The following DIP2C variants were observed in gnomAD, a reference collection of about 807,000 sequenced individuals.
DIP2C encodes DIP2 acetate--CoA ligase C (putative).
Under a neutral mutation model 192.4 loss-of-function variants are expected in DIP2C, and 33 were observed. The observed-to-expected ratio is 0.17, with a 90% confidence interval of 0.13 to 0.23. DIP2C has a LOEUF of 0.23. DIP2C is among the 10% of genes least tolerant of loss of function. The probability of loss-of-function intolerance (pLI) is 1.00; values close to 1 mark genes in which losing one functional copy is unlikely to be tolerated. For synonymous variants in DIP2C, 979 were observed against 864.1 expected, an observed-to-expected ratio of 1.13 and a Z score of -2.33; for missense variants, 1,537 against 2,110.1, an observed-to-expected ratio of 0.73 and a Z score of 5.32.
intron 1 of DIP2C, among the ~76,000 whole-genome samples, chr10:562,330 CA>C (rs1849265510): frequency 6.6e-6 from 1 of 152,218 alleles, no homozygotes; most frequent in Admixed American, 6.5e-5. Flanking sequence ...ACTAATGCAA[CA>C]AATGTGTTTG....
intron 1 of DIP2C, among the ~76,000 whole-genome samples, chr10:626,706 T>C (rs1854225998): frequency 6.6e-6 from 1 of 151,864 alleles, no homozygotes; most frequent in African/African-American, 2.4e-5. Context: ...CCCCTCTCAC[T>C]GTTGCCCAGG....
At chr10:440,194 C>G (rs1459074582) in intron 4 of DIP2C, among the ~76,000 whole-genome samples, 1 of 152,200 alleles carries the variant, frequency 6.6e-6, no homozygotes, top group Non-Finnish European at 1.5e-5. Flanking sequence ...AGCAGTATTA[C>G]ATAACACAAA....
intron 1 of DIP2C, among the ~76,000 whole-genome samples, chr10:507,249 G>A (rs1425040525): frequency 6.6e-6 from 1 of 151,878 alleles, no homozygotes; most frequent in East Asian, 1.9e-4. Context: ...TGAGGTTACG[G>A]ACCTGGTCAC....
At chr10:303,815 G>A (rs1392217269) in intron 32 of DIP2C, among the ~76,000 whole-genome samples, 5 of 152,108 alleles carry the variant, frequency 3.3e-5, no homozygotes, top group Non-Finnish European at 7.4e-5. Flanking sequence ...GAGCCGCCGC[G>A]CCTGGCCGAA....
rs1959661480 is a variant in DIP2C at position 362,485 on chromosome 10, C to T, written c.2794+5G>A. ...CCTCACAAGCTGCCCAAGTGGTGCA[C>T]ATACCTGGCTGCTTCTGTCGAGGCT... is the stretch of plus-strand genomic sequence containing the variant. On this transcript the variant is annotated splice_donor_5th_base_variant and intron_variant, in intron 22 of 36. Transcript: ENST00000280886. 3 of 1,613,038 alleles carry T rather than the reference C, an allele frequency of 1.9e-6. No homozygotes were observed. Among genetic ancestry groups the T allele is most frequent in the Non-Finnish European group, 1.7e-6 (2 of 1,179,666 alleles).
chr10:684,941 TG>T (rs1831256186), intron 1 of DIP2C, among the ~76,000 whole-genome samples: 1 of 151,806 alleles, frequency 6.6e-6, no homozygotes, highest in South Asian at 2.1e-4. Context: ...GAGACCAGCC[TG>T]GCCAACATGG....
At chr10:305,993 A>ATATATATATATATATATATATATATG (rs958069491) in intron 32 of DIP2C, among the ~76,000 whole-genome samples, 2 of 142,700 alleles carry the variant, frequency 1.4e-5, no homozygotes, top group African/African-American at 5.2e-5. Context: ...ATATATATAT[A>ATATATATATATATATATATATATATG]TTATATTTTT....
At chr10:580,040 G>C (rs544027109) in intron 1 of DIP2C, among the ~76,000 whole-genome samples, 1 of 151,980 alleles carries the variant, frequency 6.6e-6, no homozygotes, top group South Asian at 2.1e-4. Context: ...TCTCTATCCA[G>C]TGTACACAGG....
intron 29 of DIP2C, among the ~76,000 whole-genome samples, chr10:337,506 AGTC>A (rs1957893264): frequency 7.9e-6 from 1 of 126,026 alleles, no homozygotes; most frequent in Non-Finnish European, 1.6e-5. Context: ...AGGCCTAGAC[AGTC>A]TGTGTGTGTG....
At chr10:335,770 T>C (rs1197206160) in intron 29 of DIP2C, among the ~76,000 whole-genome samples, 2 of 152,226 alleles carry the variant, frequency 1.3e-5, no homozygotes, top group Admixed American at 6.5e-5. Flanking sequence ...CCATGAAGAC[T>C]CTCTTTCCTT....
At chr10:561,180 G>A (rs1849196120) in intron 1 of DIP2C, among the ~76,000 whole-genome samples, 1 of 152,200 alleles carries the variant, frequency 6.6e-6, no homozygotes, top group African/African-American at 2.4e-5. Flanking sequence ...CCTGAGGGCT[G>A]TATCGTGGGC....
At chr10:584,044 T>C (rs991432378) in intron 1 of DIP2C, among the ~76,000 whole-genome samples, 14 of 152,298 alleles carry the variant, frequency 9.2e-5, no homozygotes, top group African/African-American at 3.1e-4. Flanking sequence ...GTCTGTCCTA[T>C]GGAGGAGGTG....
intron 1 of DIP2C, among the ~76,000 whole-genome samples, chr10:555,623 G>T (rs1026462608): frequency 1.3e-5 from 2 of 152,164 alleles, no homozygotes; most frequent in Admixed American, 1.3e-4. Context: ...TGTCTCTCAG[G>T]GTATCTGGGG....
At chr10:478,594 C>A (rs116159350) in intron 2 of DIP2C, among the ~76,000 whole-genome samples, 1 of 151,448 alleles carries the variant, frequency 6.6e-6, no homozygotes, top group East Asian at 2.0e-4. Context: ...CGTGTCCGGG[C>A]GTGCTGGGGC....
chr10:291,362 A>C (rs191793262), intron 32 of DIP2C, among the ~76,000 whole-genome samples: 46 of 152,358 alleles, frequency 3.0e-4, no homozygotes, highest in Middle Eastern at 3.4e-3. Context: ...CAGGGTGCTA[A>C]ATCACTCAGG....
intron 26 of DIP2C, among the ~76,000 whole-genome samples, chr10:345,488 CGCACAGTTCTCCCGGAAACCCCACAA>C (rs1958400730): frequency 2.0e-5 from 3 of 149,528 alleles, no homozygotes; most frequent in African/African-American, 7.4e-5. Context: ...AGGCACATCG[CGCACAGTTCTCCCGGAAACCCCACAA>C]ACACCCATCC....
chr10:515,551 T>C (rs568908132), intron 1 of DIP2C, among the ~76,000 whole-genome samples: 23 of 152,148 alleles, frequency 1.5e-4, no homozygotes, highest in South Asian at 6.2e-4. Flanking sequence ...GGCAAAACCC[T>C]GTCTCTACTA....
At chr10:613,294 C>A in intron 1 of DIP2C, among the ~76,000 whole-genome samples, 1 of 152,228 alleles carries the variant, frequency 6.6e-6, no homozygotes, top group East Asian at 1.9e-4. Flanking sequence ...TCGGCCTCCG[C>A]CTCCCACCTA....
intron 1 of DIP2C, among the ~76,000 whole-genome samples, chr10:527,951 AG>A (rs1218065706): frequency 6.6e-6 from 1 of 152,152 alleles, no homozygotes; most frequent in African/African-American, 2.4e-5. Context: ...GTAATTATGT[AG>A]ATTAGGTAAA....
Sources: allele counts gnomAD v4.1 joint callset (sites outside exome capture counted in the v4.1 genomes callset), GRCh38; gene constraint gnomAD v4.1.1; transcripts MANE v1.5; gene names NCBI Gene and HGNC (gene_info 2026-07-23, HGNC 2026-07-21).